Variants in TMPRSS15 observed in about 807,000 individuals in gnomAD.
TMPRSS15 encodes enteropeptidase.
In TMPRSS15, 128 loss-of-function variants were observed where a neutral mutation model predicts 125.3. That is an observed-to-expected ratio of 1.02 (90% CI 0.89 to 1.18). The LOEUF is 1.18. TMPRSS15 is among the 50% of genes most tolerant of loss of function. The pLI is 0.00. For missense variants in TMPRSS15, 1,283 were observed against 1,212.7 expected (o/e 1.06, Z -0.86); for synonymous variants, 446 against 423.2 (o/e 1.05, Z -0.66).
chr21:18,345,382 C>T (rs1333116114), intron 10 of TMPRSS15, among the ~76,000 whole-genome samples: 1 of 152,040 alleles, frequency 6.6e-6, no homozygotes, highest in African/African-American at 2.4e-5. Flanking sequence ...TGCACAACTC[C>T]AAATCGCTTT....
At chr21:18,408,931 T>C (rs529719228) in intron 1 of TMPRSS15, among the ~76,000 whole-genome samples, 2 of 152,234 alleles carry the variant, frequency 1.3e-5, no homozygotes, top group African/African-American at 4.8e-5. Flanking sequence ...AAAAGAGTTA[T>C]AGTTGTAACG....
chr21:18,325,196 A>G (rs1192967100), intron 16 of TMPRSS15, among the ~76,000 whole-genome samples: 1 of 151,910 alleles, frequency 6.6e-6, no homozygotes, highest in Non-Finnish European at 1.5e-5. Context: ...AGTGTACTCT[A>G]AGATAAATTA....
chr21:18,337,131 T>A (rs925816821), intron 13 of TMPRSS15, among the ~76,000 whole-genome samples: 2 of 152,212 alleles, frequency 1.3e-5, no homozygotes, highest in Non-Finnish European at 2.9e-5. Flanking sequence ...TGGCCTCAAG[T>A]GACCTGCCCC....
Position 18,297,756 on chromosome 21 carries a change from C to G in TMPRSS15, c.2239G>C (p.Gly747Arg), listed in dbSNP as rs775279843. The stretch of plus-strand genomic sequence containing the variant: ...CACCTGGGTGTTAGTATTAAGTGGC[C>G]ATCAGGTGCTGTGTTTAATTTGACA... ...PFVKLNTAPDGHLILTPSQQC... is the reference protein window; with the variant it reads ...PFVKLNTAPDRHLILTPSQQC... The change falls in exon 19 of 25, where the codon GGC becomes CGC. Residue 747 changes from glycine to arginine, a missense_variant. Transcript: ENST00000284885. 1 of 1,613,620 alleles carries G rather than the reference C, an allele frequency of 6.2e-7. No homozygotes were observed. Among genetic ancestry groups the G allele is most frequent in the Admixed American group, 1.7e-5 (1 of 60,012 alleles).
intron 18 of TMPRSS15, among the ~76,000 whole-genome samples, chr21:18,310,001 A>C (rs2075081797): frequency 6.6e-6 from 1 of 152,186 alleles, no homozygotes; most frequent in Admixed American, 6.5e-5. Context: ...AGAATATAAC[A>C]GGAACTGGAA....
intron 1 of TMPRSS15, among the ~76,000 whole-genome samples, chr21:18,463,737 A>G (rs1363127950): frequency 1.3e-5 from 2 of 152,218 alleles, no homozygotes; most frequent in Non-Finnish European, 1.5e-5. Flanking sequence ...AATGGAAGTC[A>G]TGACAAATTG....
intron 1 of TMPRSS15, among the ~76,000 whole-genome samples, chr21:18,432,608 T>C (rs2076218446): frequency 6.6e-6 from 1 of 152,056 alleles, no homozygotes; most frequent in Admixed American, 6.6e-5. Flanking sequence ...GAGACAGAGA[T>C]TGGAGTTATG....
In TMPRSS15 at chr21:18,302,964, TTTC is replaced by T. The variant is rs1372603546; in HGVS notation, c.2166-5138_2166-5136del. 4.6e-5 allele frequency among the ~76,000 whole-genome samples: 7 copies of T among 152,204 alleles called. No individual in the cohort carries two copies. The South Asian group carries it at 1.2e-3, about 27-fold the overall frequency. On this transcript the variant is annotated intron_variant, in intron 18 of 24. Coordinates refer to ENST00000284885, the MANE Select transcript of TMPRSS15 (RefSeq NM_002772.3). ...AGGGCATATGACACACACCTCTACA[TTTC>T]TTATTAAGTTTTCTCAGTGCATTAT... is the stretch of plus-strand genomic sequence containing the variant.
At chr21:18,416,345 T>G (rs754951348) in intron 1 of TMPRSS15, among the ~76,000 whole-genome samples, 1 of 152,028 alleles carries the variant, frequency 6.6e-6, no homozygotes, top group Non-Finnish European at 1.5e-5. Context: ...GAAGAGATCT[T>G]GAGAAAGAAG....
intron 3 of TMPRSS15, among the ~76,000 whole-genome samples, chr21:18,384,436 A>G (rs2075923518): frequency 6.6e-6 from 1 of 152,204 alleles, no homozygotes; most frequent in Non-Finnish European, 1.5e-5. Flanking sequence ...ATCTCCAAAC[A>G]TAGCATTAGA....
Position 18,359,797 on chromosome 21 carries a change from T to G in TMPRSS15, c.840A>C (p.Leu280Phe), listed in dbSNP as rs1569031689. The G allele has an allele frequency of 1.3e-6, 2 of 1,497,028 alleles. No homozygotes were observed. The highest frequency in any genetic ancestry group is 1.9e-6 in the Non-Finnish European group (2 of 1,076,140). 92.7% of individuals were successfully genotyped at this position (1,497,028 alleles called of 1,614,324 possible). A position where few individuals can be genotyped will look rare whatever the true frequency, so the allele number is the denominator to read the frequency against. The change falls in exon 8 of 25, where the codon TTA becomes TTC. Residue 280 changes from leucine (L) to phenylalanine (F), a missense_variant. By Grantham distance (22) the Leu-to-Phe change is conservative (BLOSUM62 0). Transcript: ENST00000284885. Reference sequence around the variant, plus strand: ...TTGATCCTACACCTTCATAAATATCTAATATATCTGTATAATATGTATTAA... The same window carrying G: ...TTGATCCTACACCTTCATAAATATCGAATATATCTGTATAATATGTATTAA... ...DDFNTYYTDI[L>F]DIYEGVGSSK...
intron 18 of TMPRSS15, among the ~76,000 whole-genome samples, chr21:18,301,927 A>C (rs572283903): frequency 2.0e-5 from 3 of 152,342 alleles, no homozygotes; most frequent in South Asian, 4.1e-4. Context: ...GCGTATAAAA[A>C]TATACTCATA....
chr21:18,281,031 T>C lies in TMPRSS15; in HGVS notation c.2668+9A>G. ...GATAAGATGACTAAGAGTGATTTTT[T>C]TTTTTTACCTGTGTAATTCACTTTA... On this transcript the variant is annotated intron_variant, in intron 22 of 24. Transcript: ENST00000284885. 6.2e-7 allele frequency: 1 copy of C among 1,613,350 alleles called. No individual in the cohort carries two copies. The highest frequency in any genetic ancestry group is 8.5e-7 in the Non-Finnish European group (1 of 1,179,896).
intron 16 of TMPRSS15, among the ~76,000 whole-genome samples, chr21:18,316,528 G>A (rs1474398599): frequency 2.0e-5 from 3 of 152,158 alleles, no homozygotes; most frequent in East Asian, 3.8e-4. Flanking sequence ...TTGCCGTATC[G>A]GTAATGTGAA....
chr21:18,292,065 A>C (rs544600515), intron 21 of TMPRSS15, among the ~76,000 whole-genome samples: 38 of 152,350 alleles, frequency 2.5e-4, no homozygotes, highest in African/African-American at 9.1e-4. Flanking sequence ...ACATTCCTAC[A>C]ATGGAAAGTC....
At chr21:18,289,277 C>T (rs1308454005) in intron 21 of TMPRSS15, among the ~76,000 whole-genome samples, 4 of 152,276 alleles carry the variant, frequency 2.6e-5, no homozygotes, top group African/African-American at 9.6e-5. Flanking sequence ...CTTTGAGAGG[C>T]TGAGGTGGGC....
In TMPRSS15 at chr21:18,356,361, A is replaced by T. The variant is rs563003254; in HGVS notation, c.881-2498T>A. ...GCAACTAGAGTACCATCTTTATTAT[A>T]AAATAATTTCTAATATATTCAACAC... On this transcript the variant is annotated intron_variant, in intron 8 of 24. Coordinates refer to ENST00000284885, the MANE Select transcript of TMPRSS15 (RefSeq NM_002772.3). 4.9e-4 allele frequency among the ~76,000 whole-genome samples: 74 copies of T among 151,912 alleles called. No homozygotes were observed. The Middle Eastern group carries it at 0.01, about 21-fold the overall frequency.
At chr21:18,333,912 T>C (rs1424191488) in intron 13 of TMPRSS15, among the ~76,000 whole-genome samples, 1 of 152,238 alleles carries the variant, frequency 6.6e-6, no homozygotes, top group African/African-American at 2.4e-5. Context: ...ACCATTATTA[T>C]GTTTTAAAAC....
chr21:18,383,506 C>A lies in TMPRSS15; in HGVS notation c.496+121G>T. The A allele has an allele frequency of 3.4e-6, 4 of 1,166,720 alleles. No individual in the cohort carries two copies. The South Asian group carries it at 5.5e-5, about 16-fold the overall frequency. The allele number at this position is 1,166,720 out of a possible 1,614,324, so 72.3% of individuals were successfully genotyped here. On this transcript the variant is annotated intron_variant, in intron 4 of 24. Coordinates refer to ENST00000284885, the MANE Select transcript of TMPRSS15 (RefSeq NM_002772.3). ...TCACTTTTCTCATGTAAATGTGTCA[C>A]CTCAGGCAATAAGACATGTTCCTAA...
Sources: gnomAD v4.1 joint callset for allele counts (sites outside exome capture counted in the v4.1 genomes callset) on GRCh38, gnomAD v4.1.1 for gene constraint, MANE v1.5 for transcripts, NCBI Gene and HGNC (gene_info 2026-07-23, HGNC 2026-07-21) for gene names.